The following SSC4D variants were observed in gnomAD, a reference collection of about 807,000 sequenced individuals.
The protein encoded by SSC4D is scavenger receptor cysteine-rich domain-containing group B protein.
SSC4D carries 57 observed loss-of-function variants against 63.4 expected under a neutral mutation model. The ratio of observed to expected loss-of-function variants is 0.90; its 90% CI spans 0.73 to 1.12. The LOEUF (loss-of-function observed/expected upper bound fraction) is 1.12, where lower values mean the gene tolerates loss of function less well. Ranked by LOEUF, SSC4D falls within the 50% of genes most tolerant of loss-of-function variation. SSC4D has a pLI of 0.00. For synonymous variants in SSC4D, 352 were observed against 345.4 expected, an observed-to-expected ratio of 1.02 and a Z score of -0.21; for missense variants, 791 against 806.4, an observed-to-expected ratio of 0.98 and a Z score of 0.23.
intron 5 of SSC4D, 83 bp downstream of exon 5, chr7:76,398,637 T>C: frequency 1.4e-6 from 2 of 1,425,914 alleles, no homozygotes; most frequent in South Asian, 2.3e-5. Context: ...CAATTTGTAA[T>C]CCCTGTCTTC....
At chr7:76,403,262 C>T (rs971717110) in intron 2 of SSC4D, among the ~76,000 whole-genome samples, 2 of 152,098 alleles carry the variant, frequency 1.3e-5, no homozygotes, top group African/African-American at 4.8e-5. Flanking sequence ...CCGAGTATGA[C>T]AGTTCTGACA....
intron 9 of SSC4D, among the ~76,000 whole-genome samples, chr7:76,392,600 G>A (rs1318705873): frequency 1.3e-5 from 2 of 151,232 alleles, no homozygotes; most frequent in Non-Finnish European, 2.9e-5. Context: ...AGAGTAGCCT[G>A]GGCAACACAG....
Position 76,395,242 on chromosome 7 carries a change from G to A in SSC4D, c.946+11C>T. ...CCCTACCATTCCCGCCTGGAGGGCTGAGCTCTTTACCGGACGGATCTGTCT... is the reference window on the plus strand; with the variant it reads ...CCCTACCATTCCCGCCTGGAGGGCTAAGCTCTTTACCGGACGGATCTGTCT... On this transcript the variant is annotated intron_variant, in intron 7 of 10. Transcript: ENST00000275560. 2.5e-6 allele frequency: 4 copies of A among 1,613,630 alleles called. No homozygotes were observed. The highest frequency in any genetic ancestry group is 2.5e-6 in the Non-Finnish European group (3 of 1,179,916).
At chr7:76,393,237 C>T (rs1246076066) in intron 9 of SSC4D, 168 bp downstream of exon 9, 1 of 654,366 alleles carries the variant, frequency 1.5e-6, no homozygotes, top group Non-Finnish European at 2.1e-6. Flanking sequence ...CTCGCCCCGC[C>T]GCGCAGCCGC....
intron 6 of SSC4D, 130 bp downstream of exon 6, chr7:76,397,388 G>T: frequency 8.6e-7 from 1 of 1,156,164 alleles, no homozygotes; most frequent in Non-Finnish European, 1.2e-6. Context: ...TGCCTGGAGA[G>T]CTCTGGGGAG....
intron 2 of SSC4D, 25 bp from the exon 3 acceptor site, chr7:76,401,068 T>C (rs1182205168): frequency 6.5e-7 from 1 of 1,534,208 alleles, no homozygotes; most frequent in East Asian, 2.5e-5. Context: ...GGAAGAGCAT[T>C]GGCCCCTCTG....
chr7:76,408,111 T>C (rs1805100427), intron 1 of SSC4D, among the ~76,000 whole-genome samples: 1 of 152,136 alleles, frequency 6.6e-6, no homozygotes, highest in African/African-American at 2.4e-5. Context: ...AGGATGGTTC[T>C]GTTTGGGCTA....
At chr7:76,404,268 G>C (rs374396476) in intron 2 of SSC4D, 39 bp downstream of exon 2, 1 of 1,507,372 alleles carries the variant, frequency 6.6e-7, no homozygotes, top group Non-Finnish European at 8.9e-7. Context: ...CTGAGATTCA[G>C]AAAGAGGAAG....
Position 76,393,415 on chromosome 7 carries a change from C to T in SSC4D, c.1323G>A (p.Ala441=), listed in dbSNP as rs1166863311. 7 of 1,478,248 alleles carry T rather than the reference C, an allele frequency of 4.7e-6. No individual in the cohort carries two copies. The East Asian group carries it at 1.4e-4, about 29-fold the overall frequency. The allele number at this position is 1,478,248 out of a possible 1,614,324, so 91.6% of individuals were successfully genotyped here. A position where few individuals can be genotyped will look rare whatever the true frequency, so the allele number is the denominator to read the frequency against. Residue 441 remains alanine (A), a synonymous_variant, in exon 9 of 11, where the codon GCG becomes GCA. Coordinates refer to ENST00000275560, the MANE Select transcript of SSC4D (RefSeq NM_080744.2). ...HNCGHHEDAG[A]LCAGPEELGL... ...CGCTGTCAGCCTCACCTGCGCAGAG[C>T]GCTCCCGCGTCCTCGTGGTGGCCGC...
rs1268342100 is a variant in SSC4D, at chr7:76,393,688, C to T, written c.1050G>A (p.Pro350=). ...CCTCCACGCGGCCGCGGCACGGACC[C>T]GGGCCGCCCACCAGTCGCAGCCGTC... is the stretch of plus-strand genomic sequence containing the variant. The part of the protein sequence containing the change: ...KSGRLRLVGG[P]GPCRGRVEVL... Residue 350 remains proline (P), a synonymous_variant, in exon 9 of 11, where the codon CCG becomes CCA. Transcript: ENST00000275560. 1.4e-6 allele frequency: 2 copies of T among 1,403,078 alleles called. No homozygotes were observed. Among genetic ancestry groups the T allele is most frequent in the South Asian group, 1.6e-5 (1 of 63,700 alleles). 86.9% of individuals were successfully genotyped at this position (1,403,078 alleles called of 1,614,324 possible). A position where few individuals can be genotyped will look rare whatever the true frequency, so the allele number is the denominator to read the frequency against.
chr7:76,395,325 C>A lies in SSC4D; in HGVS notation c.874G>T (p.Gly292Cys). The change falls in exon 7 of 11, where the codon GGT (glycine) becomes TGT (cysteine). Residue 292 changes from glycine to cysteine, a missense_variant. By Grantham distance (159) the Gly-to-Cys change is radical. Coordinates refer to ENST00000275560, the MANE Select transcript of SSC4D (RefSeq NM_080744.2). Reference protein sequence around the residue: ...EDAGALCAGLGPPTLTALPSS... With the variant: ...EDAGALCAGLCPPTLTALPSS... The stretch of plus-strand genomic sequence containing the variant: ...GGCAGTGCTGTGAGCGTTGGGGGAC[C>A]CAGGCCTAGGGCAGGAGAGAAGGGG... The A allele has an allele frequency of 3.7e-6, 6 of 1,613,800 alleles. No homozygotes were observed. The highest frequency in any genetic ancestry group is 5.1e-6 in the Non-Finnish European group (6 of 1,180,000).
intron 5 of SSC4D, 28 bp downstream of exon 5, chr7:76,398,692 A>C (rs1804718983): frequency 1.9e-6 from 3 of 1,610,422 alleles, no homozygotes; most frequent in Non-Finnish European, 1.7e-6. Flanking sequence ...CCCAAAACCC[A>C]GGTGGTGCCC....
chr7:76,403,149 T>G (rs1483952057), intron 2 of SSC4D, among the ~76,000 whole-genome samples: 2 of 152,156 alleles, frequency 1.3e-5, no homozygotes, highest in African/African-American at 4.8e-5. Context: ...ATCATGCAGT[T>G]CTGAGCACGA....
At chr7:76,409,323 T>TCACACACACA (rs3081030) in intron 1 of SSC4D, 91 bp downstream of exon 1, 1 of 146,428 alleles carries the variant, frequency 6.8e-6, no homozygotes, top group African/African-American at 2.5e-5. Context: ...TCTCTCTGTC[T>TCACACACACA]CACACACACA....
In SSC4D at chr7:76,397,586, G is replaced by T; in HGVS notation, c.800C>A (p.Ala267Asp). 2.5e-6 allele frequency: 4 copies of T among 1,610,544 alleles called. No homozygotes were observed. Among genetic ancestry groups the T allele is most frequent in the East Asian group, 2.2e-5 (1 of 44,778 alleles). Residue 267 changes from alanine (A) to aspartate (D), a missense_variant, in exon 6 of 11, where the codon GCC becomes GAC. Transcript: ENST00000275560. ...HCEGGEPRLA[A>D]CQSLGWGVHN... ...CACACCCCAGCCCAGGCTCTGGCAG[G>T]CTGCCAGGCGGGGCTCGCCGCCTTC...
intron 10 of SSC4D, among the ~76,000 whole-genome samples, chr7:76,390,705 T>C (rs1804478244): frequency 6.6e-6 from 1 of 152,152 alleles, no homozygotes; most frequent in Non-Finnish European, 1.5e-5. Flanking sequence ...TGGTCCCAGC[T>C]ACTTGAGAGG....
intron 2 of SSC4D, among the ~76,000 whole-genome samples, chr7:76,403,492 C>T (rs1402870974): frequency 2.0e-5 from 3 of 151,592 alleles, no homozygotes; most frequent in African/African-American, 7.3e-5. Flanking sequence ...CGCCCGCCAC[C>T]ATGCCCAGCT....
In SSC4D at chr7:76,393,507, C is replaced by G. The variant is rs572817775; in HGVS notation, c.1231G>C (p.Val411Leu). ...YGRGPVLLDNVGCAGTEARLS... is the reference protein window; with the variant it reads ...YGRGPVLLDNLGCAGTEARLS... ...CGAGCCTCGGTGCCGGCGCAGCCCA[C>G]GTTGTCCAGCAGCACGGGGCCGCGG... Residue 411 changes from valine to leucine, a missense_variant, in exon 9 of 11, where the codon GTG (valine) becomes CTG (leucine). Transcript: ENST00000275560. 5 of 1,524,778 alleles carry G rather than the reference C, an allele frequency of 3.3e-6. No homozygotes were observed. The highest frequency in any genetic ancestry group is 3.5e-6 in the Non-Finnish European group (4 of 1,143,116). The allele number at this position is 1,524,778 out of a possible 1,614,324, so 94.5% of individuals were successfully genotyped here.
chr7:76,395,818 A>G (rs1804624293), intron 6 of SSC4D, among the ~76,000 whole-genome samples: 1 of 152,140 alleles, frequency 6.6e-6, no homozygotes, highest in Non-Finnish European at 1.5e-5. Context: ...CAGCTTCCTG[A>G]GTAGCTGGGA....
Sources: gnomAD v4.1 joint callset for allele counts (sites outside exome capture counted in the v4.1 genomes callset) on GRCh38, gnomAD v4.1.1 for gene constraint, MANE v1.5 for transcripts, NCBI Gene and HGNC (gene_info 2026-07-23, HGNC 2026-07-21) for gene names.